The following NAA16 variants were observed in gnomAD, a reference collection of about 807,000 sequenced individuals.
NAA16 encodes N-alpha-acetyltransferase 16, NatA auxiliary subunit.
Under a neutral mutation model 110.3 loss-of-function variants are expected in NAA16, and 97 were observed. The ratio of observed to expected loss-of-function variants is 0.88; its 90% confidence interval spans 0.75 to 1.04. NAA16 has a LOEUF of 1.04. NAA16 is among the 50% of genes least tolerant of loss of function. The pLI, the probability that NAA16 is intolerant of heterozygous loss-of-function variation, is 0.00. For missense variants in NAA16, 1,017 were observed against 1,005.1 expected (o/e 1.01, Z -0.16); for synonymous variants, 372 against 330.6 (o/e 1.13, Z -1.36).
At chr13:41,355,319 T>A (rs1424655093) in intron 10 of NAA16, 103 bp downstream of exon 10, 2 of 641,568 alleles carry the variant, frequency 3.1e-6, no homozygotes, top group Non-Finnish European at 5.3e-6. Context: ...TAATGGCTAC[T>A]TAATAAATGG....
At chr13:41,341,538 G>A (rs1252380664) in intron 9 of NAA16, among the ~76,000 whole-genome samples, 1 of 151,912 alleles carries the variant, frequency 6.6e-6, no homozygotes, top group African/African-American at 2.4e-5. Flanking sequence ...CAACATAACA[G>A]GACTCCGTCT....
intron 10 of NAA16, among the ~76,000 whole-genome samples, chr13:41,357,723 A>G (rs1424540645): frequency 6.6e-6 from 1 of 152,180 alleles, no homozygotes. Flanking sequence ...GATAGAACTC[A>G]GGTAAGTGTA....
At chr13:41,356,568 G>T (rs368263968) in intron 10 of NAA16, among the ~76,000 whole-genome samples, 3 of 151,876 alleles carry the variant, frequency 2.0e-5, no homozygotes, top group African/African-American at 4.8e-5. Flanking sequence ...TACCCAGTCC[G>T]CATTCACATT....
chr13:41,371,590 AGT>A (rs2043318749), intron 15 of NAA16, among the ~76,000 whole-genome samples: 1 of 152,126 alleles, frequency 6.6e-6, no homozygotes, highest in Admixed American at 6.6e-5. Flanking sequence ...TGACTTTCTT[AGT>A]ATTTTATTTT....
chr13:41,375,539 C>G lies in NAA16; in HGVS notation c.2532C>G (p.Val844=). ...CCTTCTTGCCTGCTGTGAATGAAGT[C>G]GACAATCCTAATGTGGCACTGAACC... is the stretch of plus-strand genomic sequence containing the variant. ...TSAFLPAVNE[V]DNPNVALNHT... Residue 844 remains valine (V), a synonymous_variant, in exon 20 of 20, where the codon GTC becomes GTG. Transcript: ENST00000379406. 3 of 1,613,946 alleles carry G rather than the reference C, an allele frequency of 1.9e-6. No homozygotes were observed. The highest frequency in any genetic ancestry group is 2.5e-6 in the Non-Finnish European group (3 of 1,179,956).
intron 7 of NAA16, among the ~76,000 whole-genome samples, chr13:41,329,265 G>C (rs1254303447): frequency 6.6e-6 from 1 of 151,928 alleles, no homozygotes; most frequent in African/African-American, 2.4e-5. Context: ...TTATTGTTGA[G>C]GATATTTGCT....
chr13:41,350,860 A>G (rs923239217), intron 9 of NAA16, among the ~76,000 whole-genome samples: 2 of 152,006 alleles, frequency 1.3e-5, no homozygotes, highest in African/African-American at 4.8e-5. Context: ...CCTGGGCTTA[A>G]GTGATCTGCC....
chr13:41,347,744 A>G (rs2042723692), intron 9 of NAA16, among the ~76,000 whole-genome samples: 1 of 152,202 alleles, frequency 6.6e-6, no homozygotes, highest in African/African-American at 2.4e-5. Flanking sequence ...AGATGTTTTA[A>G]TAGATTCCTT....
chr13:41,362,955 A>G lies in NAA16; in HGVS notation c.1539+796A>G, dbSNP rs1486843419. 6.5e-6 allele frequency: 7 copies of G among 1,070,150 alleles called. No homozygotes were observed. The Admixed American group carries it at 2.5e-4, about 38-fold the overall frequency. The allele number at this position is 1,070,150 out of a possible 1,614,324, so 66.3% of individuals were successfully genotyped here. A position where few individuals can be genotyped will look rare whatever the true frequency, so the allele number is the denominator to read the frequency against. On this transcript the variant is annotated intron_variant, in intron 13 of 19. Coordinates refer to ENST00000379406, the MANE Select transcript of NAA16 (RefSeq NM_024561.5). Reference sequence around the variant, plus strand: ...TCTGAGATTACCCACAAGGAAGGCTAAATTTTAGGGGGTGGCTTTTGATGG... The same window carrying G: ...TCTGAGATTACCCACAAGGAAGGCTGAATTTTAGGGGGTGGCTTTTGATGG...
intron 2 of NAA16, 89 bp downstream of exon 2, chr13:41,317,019 G>C: frequency 1.1e-6 from 1 of 898,576 alleles, no homozygotes. Context: ...CCCGATTCCA[G>C]GGCCTTGCAG....
At chr13:41,311,669 G>A (rs1184697522) in intron 1 of NAA16, 87 bp downstream of exon 1, 9 of 1,202,424 alleles carry the variant, frequency 7.5e-6, no homozygotes, top group Non-Finnish European at 9.5e-6. Flanking sequence ...GCCGGCGCGG[G>A]CCAGGCTTGG....
intron 8 of NAA16, among the ~76,000 whole-genome samples, chr13:41,333,641 A>G (rs2042299541): frequency 1.3e-5 from 2 of 151,864 alleles, no homozygotes; most frequent in Admixed American, 6.6e-5. Context: ...ATACATTCAT[A>G]TGCTTCTTAG....
chr13:41,373,880 T>G lies in NAA16; in HGVS notation c.2299+100T>G, dbSNP rs944926937. 11 of 1,429,278 alleles carry G rather than the reference T, an allele frequency of 7.7e-6. No homozygotes were observed. The Middle Eastern group carries it at 1.1e-3, about 147-fold the overall frequency. The allele number at this position is 1,429,278 out of a possible 1,614,324, so 88.5% of individuals were successfully genotyped here. A position where few individuals can be genotyped will look rare whatever the true frequency, so the allele number is the denominator to read the frequency against. Reference sequence around the variant, plus strand: ...TGTAAAGCAAATGAACAGTACTGTGTGTAAGTATGGGGAGAGAAATGTGGA... The same window carrying G: ...TGTAAAGCAAATGAACAGTACTGTGGGTAAGTATGGGGAGAGAAATGTGGA... On this transcript the variant is annotated intron_variant, in intron 18 of 19. Transcript: ENST00000379406.
At chr13:41,328,696 A>G in intron 6 of NAA16, 28 bp from the exon 7 acceptor site, 1 of 1,566,858 alleles carries the variant, frequency 6.4e-7, no homozygotes, top group Non-Finnish European at 8.7e-7. Context: ...AATGTTTAAA[A>G]TGAATATGTC....
chr13:41,355,960 G>A (rs949061213), intron 10 of NAA16, among the ~76,000 whole-genome samples: 1 of 152,132 alleles, frequency 6.6e-6, no homozygotes, highest in African/African-American at 2.4e-5. Context: ...TTTCAGTCAT[G>A]CACAAAGTAA....
At chr13:41,340,012 ACT>A (rs1240638069) in intron 9 of NAA16, among the ~76,000 whole-genome samples, 2 of 152,236 alleles carry the variant, frequency 1.3e-5, no homozygotes, top group Admixed American at 1.3e-4. Context: ...TCTTCTATAA[ACT>A]CTGATATCAA....
intron 9 of NAA16, among the ~76,000 whole-genome samples, 152 bp from the exon 10 acceptor site, chr13:41,354,987 CATGTT>C (rs2042945685): frequency 6.9e-6 from 1 of 145,340 alleles, no homozygotes; most frequent in Non-Finnish European, 1.5e-5. Flanking sequence ...GGGAAATACT[CATGTT>C]AGGAATGGGG....
At chr13:41,359,331 T>TA (rs1264770227) in intron 12 of NAA16, among the ~76,000 whole-genome samples, 7 of 152,216 alleles carry the variant, frequency 4.6e-5, no homozygotes, top group African/African-American at 1.2e-4. Context: ...AACTTGCTCA[T>TA]AGAGTTCTTT....
chr13:41,330,915 G>T (rs542152164), intron 7 of NAA16, among the ~76,000 whole-genome samples: 1 of 152,018 alleles, frequency 6.6e-6, no homozygotes, highest in Non-Finnish European at 1.5e-5. Flanking sequence ...CGTAGGTTAT[G>T]TTATTAGACC....
Sources: allele counts gnomAD v4.1 joint callset (sites outside exome capture counted in the v4.1 genomes callset), GRCh38; gene constraint gnomAD v4.1.1; transcripts MANE v1.5; gene names NCBI Gene and HGNC (gene_info 2026-07-23, HGNC 2026-07-21).